Variants in REV3L observed in about 807,000 individuals in gnomAD.
REV3L encodes REV3 like, DNA directed polymerase zeta catalytic subunit.
Under a neutral mutation model 299.4 loss-of-function variants are expected in REV3L, and 69 were observed. The observed-to-expected ratio is 0.23, with a 90% CI of 0.19 to 0.28. The LOEUF (loss-of-function observed/expected upper bound fraction) is 0.28. Among genes scored for constraint, REV3L ranks in the 10% least tolerant of loss-of-function variants. The pLI, the probability that REV3L is intolerant of heterozygous loss-of-function variation, is 1.00. For missense variants in REV3L, 3,128 were observed against 3,693.8 expected (o/e 0.85, Z 3.97); for synonymous variants, 1,238 against 1,271.4 (o/e 0.97, Z 0.56).
chr6:111,377,983 C>A, intron 11 of REV3L, 140 bp from the exon 12 acceptor site: 1 of 635,722 alleles, frequency 1.6e-6, no homozygotes, highest in Non-Finnish European at 2.4e-6. Flanking sequence ...TATAGTAAAA[C>A]AATACAAAAA....
At chr6:111,415,205 T>A (rs2128283525) in intron 2 of REV3L, among the ~76,000 whole-genome samples, 1 of 152,276 alleles carries the variant, frequency 6.6e-6, no homozygotes, top group African/African-American at 2.4e-5. Context: ...GCCCCAAGAA[T>A]GTAGTTCTAC....
intron 24 of REV3L, chr6:111,330,933 C>G (rs2114826850): frequency 1.1e-6 from 1 of 947,834 alleles, no homozygotes; most frequent in South Asian, 4.9e-5. Flanking sequence ...GTTTAGTATT[C>G]CCTCTTACTG....
chr6:111,307,247 CTTCAT>C, intron 31 of REV3L, 109 bp downstream of exon 31: 2 of 832,898 alleles, frequency 2.4e-6, no homozygotes, highest in South Asian at 3.1e-5. Context: ...CATTTAGACT[CTTCAT>C]TTCACTTTTC....
intron 1 of REV3L, among the ~76,000 whole-genome samples, chr6:111,480,621 GAAAC>G (rs1383221710): frequency 1.3e-5 from 2 of 151,902 alleles, no homozygotes; most frequent in Non-Finnish European, 1.5e-5. Flanking sequence ...TTTTCTTGTT[GAAAC>G]AAACATTTTG....
intron 1 of REV3L, among the ~76,000 whole-genome samples, chr6:111,466,163 G>C (rs1791488742): frequency 6.6e-6 from 1 of 151,986 alleles, no homozygotes; most frequent in Non-Finnish European, 1.5e-5. Flanking sequence ...CATTTTTCTA[G>C]TAATTCATTT....
chr6:111,429,413 G>GA (rs1317992917), intron 1 of REV3L, among the ~76,000 whole-genome samples: 6 of 151,816 alleles, frequency 4.0e-5, no homozygotes, highest in African/African-American at 1.5e-4. Context: ...CCACCAGACA[G>GA]AAAAAAACAC....
At chr6:111,469,286 T>G (rs1451338674) in intron 1 of REV3L, among the ~76,000 whole-genome samples, 1 of 152,206 alleles carries the variant, frequency 6.6e-6, no homozygotes, top group Non-Finnish European at 1.5e-5. Context: ...AAATATTTGT[T>G]GAGTTGAATG....
chr6:111,304,011 C>T (rs1236408601), intron 31 of REV3L, among the ~76,000 whole-genome samples: 2 of 152,130 alleles, frequency 1.3e-5, no homozygotes, highest in Non-Finnish European at 2.9e-5. Context: ...TGAGTCACCA[C>T]ACCTGGCCAG....
intron 9 of REV3L, among the ~76,000 whole-genome samples, chr6:111,382,595 T>C (rs1780941315): frequency 2.0e-5 from 3 of 152,182 alleles, no homozygotes; most frequent in Non-Finnish European, 4.4e-5. Flanking sequence ...GAACCTGAGT[T>C]GCAGCCAGCC....
At position 111,374,474 on chromosome 6, in the gene REV3L, C is replaced by T; in HGVS notation, c.3881G>A (p.Gly1294Asp). ...GCTTTCTAAGAAAGAAGAAAAGCAG[C>T]CAGATAACTTCTGTTGTGCATTAAT... The part of the protein sequence containing the change: ...TGINAQQKLS[G>D]CFSSFLESKK... Residue 1294 changes from glycine (G) to aspartate (D), a missense_variant, in exon 13 of 32, where the codon GGC becomes GAC. Gly to Asp is a moderately conservative substitution (Grantham distance 94). Coordinates refer to ENST00000368802, the MANE Select transcript of REV3L (RefSeq NM_001372078.1). 6.2e-7 allele frequency: 1 copy of T among 1,613,944 alleles called. No individual in the cohort carries two copies.
At chr6:111,420,475 G>C (rs2128288268) in intron 1 of REV3L, among the ~76,000 whole-genome samples, 1 of 152,224 alleles carries the variant, frequency 6.6e-6, no homozygotes, top group East Asian at 1.9e-4. Flanking sequence ...ATCATGTCTA[G>C]TTGAAACTTC....
chr6:111,431,081 A>G, intron 1 of REV3L: 4 of 1,500,334 alleles, frequency 2.7e-6, no homozygotes, highest in East Asian at 2.3e-5. Flanking sequence ...ACATATGCAA[A>G]TATCAACAAG....
chr6:111,331,817 C>T (rs781103784), intron 23 of REV3L, 33 bp from the exon 24 acceptor site: 3 of 1,321,566 alleles, frequency 2.3e-6, no homozygotes, highest in Non-Finnish European at 3.3e-6. Flanking sequence ...GCAAATACTT[C>T]CTCAAATCAT....
At chr6:111,340,241 T>A (rs1211787268) in intron 21 of REV3L, among the ~76,000 whole-genome samples, 5 of 152,188 alleles carry the variant, frequency 3.3e-5, no homozygotes. Flanking sequence ...TCCCAGGATA[T>A]ACCTCCTAGC....
intron 21 of REV3L, among the ~76,000 whole-genome samples, chr6:111,339,266 T>C (rs1776247018): frequency 6.6e-6 from 1 of 152,128 alleles, no homozygotes; most frequent in Admixed American, 6.6e-5. Flanking sequence ...AGGTAGAATA[T>C]ATTAACATCT....
intron 7 of REV3L, among the ~76,000 whole-genome samples, chr6:111,388,773 A>G (rs1200393798): frequency 6.6e-6 from 1 of 152,214 alleles, no homozygotes; most frequent in African/African-American, 2.4e-5. Context: ...GAGATTCATG[A>G]TCTTCTGTGA....
chr6:111,385,656 A>G lies in REV3L; in HGVS notation c.1096+2109T>C, dbSNP rs73765951. Among the ~76,000 whole-genome samples, 240 of 151,346 alleles carry G rather than the reference A, an allele frequency of 1.6e-3. 3 individuals carry two copies. Among genetic ancestry groups the G allele is most frequent in the African/African-American group, 5.2e-3 (216 of 41,336 alleles). ...TTAAATGGGGGGAAAAGAAGTTAAC[A>G]TTTTTTTTTGAAGATTTTTATAAGA... On this transcript the variant is annotated intron_variant, in intron 9 of 31. Coordinates refer to ENST00000368802, the MANE Select transcript of REV3L (RefSeq NM_001372078.1).
chr6:111,341,862 T>G (rs1316278902), intron 21 of REV3L, among the ~76,000 whole-genome samples: 2 of 152,098 alleles, frequency 1.3e-5, no homozygotes, highest in African/African-American at 4.8e-5. Context: ...AGCAGCTCGC[T>G]GGGGGTTGAG....
At chr6:111,327,441 G>A (rs1774950529) in intron 25 of REV3L, among the ~76,000 whole-genome samples, 1 of 152,098 alleles carries the variant, frequency 6.6e-6, no homozygotes, top group East Asian at 1.9e-4. Flanking sequence ...TGTAGTCCCA[G>A]CTACTTGGAG....
Sources: gnomAD v4.1 joint callset for allele counts (sites outside exome capture counted in the v4.1 genomes callset) on GRCh38, gnomAD v4.1.1 for gene constraint, MANE v1.5 for transcripts, NCBI Gene and HGNC (gene_info 2026-07-23, HGNC 2026-07-21) for gene names.